Variants in C10orf67 observed in about 807,000 individuals in gnomAD.
C10orf67 encodes the protein chromosome 10 open reading frame 67.
In C10orf67, 60 loss-of-function variants were observed where a neutral mutation model predicts 35.6. That is an observed-to-expected ratio of 1.68 (90% CI 1.37 to 2.09). The LOEUF is 2.09. C10orf67 is among the 30% of genes most tolerant of loss of function. The pLI is 0.00. For synonymous variants in C10orf67, 167 were observed against 115.8 expected (o/e 1.44, Z -2.84); for missense variants, 474 against 330.2 (o/e 1.44, Z -3.38).
intron 13 of C10orf67, among the ~76,000 whole-genome samples, chr10:23,237,168 G>A (rs2036765663): frequency 6.6e-6 from 1 of 152,096 alleles, no homozygotes; most frequent in Admixed American, 6.6e-5. Flanking sequence ...GGTCACTTAG[G>A]ATAATGGCCT....
chr10:23,266,162 C>T (rs527905655), intron 10 of C10orf67, 100 bp downstream of exon 10: 19 of 396,990 alleles, frequency 4.8e-5, no homozygotes, highest in African/African-American at 2.5e-4. Flanking sequence ...GGTGAGAACC[C>T]GGTGTGCTTA....
chr10:23,324,438 C>T (rs1845103206), intron 2 of C10orf67, among the ~76,000 whole-genome samples: 1 of 151,266 alleles, frequency 6.6e-6, no homozygotes, highest in South Asian at 2.1e-4. Context: ...CTGGTTTCAC[C>T]TCTCTCTCTC....
At chr10:23,213,295 C>T (rs1588576388) in intron 15 of C10orf67, among the ~76,000 whole-genome samples, 2 of 151,954 alleles carry the variant, frequency 1.3e-5, no homozygotes, top group East Asian at 3.9e-4. Flanking sequence ...AATGTACAGG[C>T]AATATTTGAA....
chr10:23,307,079 T>C (rs1178761619), intron 4 of C10orf67, among the ~76,000 whole-genome samples: 1 of 152,220 alleles, frequency 6.6e-6, no homozygotes, highest in East Asian at 1.9e-4. Flanking sequence ...CACCTTGACA[T>C]CTTGTTTTAA....
intron 13 of C10orf67, among the ~76,000 whole-genome samples, chr10:23,226,440 G>A (rs1381553135): frequency 6.6e-6 from 1 of 152,114 alleles, no homozygotes; most frequent in African/African-American, 2.4e-5. Context: ...ATTTAAAGCA[G>A]TGTGTAGAGG....
chr10:23,255,418 T>A (rs1842573729), intron 10 of C10orf67, among the ~76,000 whole-genome samples: 1 of 152,184 alleles, frequency 6.6e-6, no homozygotes, highest in Non-Finnish European at 1.5e-5. Flanking sequence ...ATGACTGGGC[T>A]GTGAAGCCAT....
intron 12 of C10orf67, among the ~76,000 whole-genome samples, chr10:23,250,135 A>C (rs1426280180): frequency 6.6e-6 from 1 of 152,214 alleles, no homozygotes; most frequent in African/African-American, 2.4e-5. Flanking sequence ...ATTGTGTGCA[A>C]ATGAGCAGGA....
chr10:23,225,192 A>G (rs1284102458), intron 13 of C10orf67, among the ~76,000 whole-genome samples: 1 of 152,240 alleles, frequency 6.6e-6, no homozygotes, highest in African/African-American at 2.4e-5. Context: ...TCTACAAGCC[A>G]GAAGAGAGTA....
rs898270093 is a variant in C10orf67 at position 23,303,357 on chromosome 10, T to C, written c.649A>G (p.Lys217Glu). The change falls in exon 5 of 16, where the codon AAA becomes GAA. Residue 217 changes from lysine (K) to glutamate (E), a missense_variant. Lys to Glu is a moderately conservative substitution (Grantham distance 56). Transcript: ENST00000636213. ...RKLKEKEEVI[K>E]ELKEELDQYK... ...TGGTCTAGTTCTTCTTTTAATTCTT[T>C]AATAACTTCTTCTTTCTCTTTCAGT... is the stretch of plus-strand genomic sequence containing the variant. 1.1e-5 allele frequency: 7 copies of C among 643,042 alleles called. No homozygotes were observed. The highest frequency in any genetic ancestry group is 2.0e-5 in the Non-Finnish European group (7 of 355,478). The allele number at this position is 643,042 out of a possible 1,614,324, so 39.8% of individuals were successfully genotyped here.
intron 15 of C10orf67, among the ~76,000 whole-genome samples, chr10:23,205,380 T>C (rs1219515245): frequency 6.6e-6 from 1 of 152,230 alleles, no homozygotes; most frequent in Non-Finnish European, 1.5e-5. Flanking sequence ...CATTCAGCCC[T>C]TATGAACTTG....
chr10:23,244,210 C>T (rs1842257035), intron 12 of C10orf67, among the ~76,000 whole-genome samples: 1 of 152,038 alleles, frequency 6.6e-6, no homozygotes, highest in Non-Finnish European at 1.5e-5. Context: ...TCTAAATAAC[C>T]CATGGATCAA....
At chr10:23,215,868 G>T (rs1841416963) in intron 15 of C10orf67, among the ~76,000 whole-genome samples, 1 of 152,146 alleles carries the variant, frequency 6.6e-6, no homozygotes, top group South Asian at 2.1e-4. Flanking sequence ...CAGCTTAACA[G>T]GTAAAGGGGG....
intron 5 of C10orf67, among the ~76,000 whole-genome samples, chr10:23,293,790 C>A (rs1843793660): frequency 6.6e-6 from 1 of 152,132 alleles, no homozygotes; most frequent in Non-Finnish European, 1.5e-5. Context: ...AAACTGAATC[C>A]CAAATTGAAT....
At chr10:23,232,396 T>A (rs1841935804) in intron 13 of C10orf67, among the ~76,000 whole-genome samples, 1 of 152,194 alleles carries the variant, frequency 6.6e-6, no homozygotes, top group African/African-American at 2.4e-5. Context: ...AGAAAATTAC[T>A]AACTATGCAA....
chr10:23,300,682 T>C (rs188921737), intron 5 of C10orf67, among the ~76,000 whole-genome samples: 2 of 152,326 alleles, frequency 1.3e-5, no homozygotes, highest in East Asian at 1.9e-4. Flanking sequence ...GAATAATTCA[T>C]AGGCTTCCTC....
intron 10 of C10orf67, among the ~76,000 whole-genome samples, chr10:23,256,063 A>G (rs985828723): frequency 6.6e-6 from 1 of 152,140 alleles, no homozygotes; most frequent in Non-Finnish European, 1.5e-5. Context: ...GTGCAGTGGC[A>G]TGATCTTGGC....
chr10:23,241,156 T>A (rs1166891047), intron 12 of C10orf67, among the ~76,000 whole-genome samples: 1 of 152,258 alleles, frequency 6.6e-6, no homozygotes, highest in African/African-American at 2.4e-5. Flanking sequence ...GTGACTCAAT[T>A]TTCCCCTTCT....
intron 15 of C10orf67, among the ~76,000 whole-genome samples, chr10:23,222,468 C>T (rs753460711): frequency 6.6e-6 from 1 of 151,958 alleles, no homozygotes; most frequent in African/African-American, 2.4e-5. Flanking sequence ...TACACAGGGA[C>T]ATAAAGATGG....
At chr10:23,270,314 G>A (rs950851625) in intron 8 of C10orf67, among the ~76,000 whole-genome samples, 42 of 152,186 alleles carry the variant, frequency 2.8e-4, no homozygotes, top group African/African-American at 9.6e-4. Context: ...GAAGTGGTGA[G>A]TGATTGTGTG....
Sources: allele counts gnomAD v4.1 joint callset (sites outside exome capture counted in the v4.1 genomes callset), GRCh38; gene constraint gnomAD v4.1.1; transcripts MANE v1.5; gene names NCBI Gene and HGNC (gene_info 2026-07-23, HGNC 2026-07-21).